Variants in GAREM1 observed in about 807,000 individuals in gnomAD.
GAREM1 encodes the protein GRB2-associated and regulator of MAPK protein 1.
In GAREM1, 26 loss-of-function variants were observed where a neutral mutation model predicts 71.3. The observed-to-expected ratio is 0.36, with a 90% CI of 0.27 to 0.51. GAREM1 has a LOEUF of 0.51. Among genes scored for constraint, GAREM1 ranks in the 20% least tolerant of loss-of-function variants. The pLI, the probability that GAREM1 is intolerant of heterozygous loss-of-function variation, is 0.95. For synonymous variants in GAREM1, 440 were observed against 433.2 expected (o/e 1.02, Z -0.20); for missense variants, 1,026 against 1,103.1 (o/e 0.93, Z 0.99).
intron 5 of GAREM1, among the ~76,000 whole-genome samples, chr18:32,269,131 G>A (rs1180969456): frequency 2.0e-5 from 3 of 152,158 alleles, no homozygotes; most frequent in East Asian, 3.9e-4. Flanking sequence ...GTGAGCGAGG[G>A]TAGAAGGAGA....
At chr18:32,307,491 T>C (rs1227792880) in intron 3 of GAREM1, among the ~76,000 whole-genome samples, 3 of 152,184 alleles carry the variant, frequency 2.0e-5, no homozygotes, top group African/African-American at 7.2e-5. Context: ...CCCCTGCTAG[T>C]TCTTAGTTCT....
chr18:32,348,038 C>G (rs1222811492), intron 2 of GAREM1, among the ~76,000 whole-genome samples: 1 of 152,168 alleles, frequency 6.6e-6, no homozygotes, highest in Non-Finnish European at 1.5e-5. Flanking sequence ...TCTCTGTATT[C>G]AAACTAGATT....
intron 1 of GAREM1, among the ~76,000 whole-genome samples, chr18:32,396,914 G>A (rs1392164560): frequency 3.3e-5 from 5 of 152,036 alleles, no homozygotes; most frequent in Admixed American, 1.3e-4. Context: ...GAGAAAGGTC[G>A]GGTTATCCAC....
chr18:32,451,315 C>T, intron 1 of GAREM1, among the ~76,000 whole-genome samples: 1 of 150,240 alleles, frequency 6.7e-6, no homozygotes, highest in South Asian at 2.1e-4. Flanking sequence ...TTCTTATTCC[C>T]ACAACTATTC....
chr18:32,372,688 T>C (rs2047994571), intron 2 of GAREM1, among the ~76,000 whole-genome samples: 2 of 152,226 alleles, frequency 1.3e-5, no homozygotes, highest in Non-Finnish European at 2.9e-5. Context: ...TCTAGTGTGG[T>C]GTTGCAATGT....
At chr18:32,371,415 A>G (rs137883162) in intron 2 of GAREM1, among the ~76,000 whole-genome samples, 1 of 152,236 alleles carries the variant, frequency 6.6e-6, no homozygotes, top group African/African-American at 2.4e-5. Context: ...AAAGGCCCCT[A>G]TAAGTGAAAA....
At chr18:32,447,552 T>A (rs992201781) in intron 1 of GAREM1, among the ~76,000 whole-genome samples, 3 of 152,122 alleles carry the variant, frequency 2.0e-5, no homozygotes, top group Non-Finnish European at 2.9e-5. Flanking sequence ...TATCGCATCA[T>A]AACAATGTAG....
Position 32,301,693 on chromosome 18 carries a change from C to A in GAREM1, c.393+8500G>T, listed in dbSNP as rs75979801. 2.3e-3 allele frequency among the ~76,000 whole-genome samples: 350 copies of A among 152,286 alleles called. 1 individual carries two copies. Among genetic ancestry groups the A allele is most frequent in the Non-Finnish European group, 3.8e-3 (259 of 68,022 alleles). On this transcript the variant is annotated intron_variant, in intron 3 of 5. Coordinates refer to ENST00000269209, the MANE Select transcript of GAREM1 (RefSeq NM_001242409.2). ...ACCTGATTGAGAACCTGAGTGGGCA[C>A]TTTTGCTATAAAACCCGGGACCTTC...
intron 2 of GAREM1, among the ~76,000 whole-genome samples, chr18:32,318,978 G>A (rs1198046727): frequency 2.0e-5 from 3 of 152,166 alleles, no homozygotes; most frequent in Non-Finnish European, 4.4e-5. Flanking sequence ...GGAAAAGGAA[G>A]CCTAGAATGT....
intron 2 of GAREM1, among the ~76,000 whole-genome samples, chr18:32,341,765 T>C (rs1372489999): frequency 6.6e-6 from 1 of 152,102 alleles, no homozygotes; most frequent in Non-Finnish European, 1.5e-5. Flanking sequence ...GGAGAGGAGA[T>C]ACCCAGCAAC....
chr18:32,425,426 C>G (rs1346766308), intron 1 of GAREM1, among the ~76,000 whole-genome samples: 1 of 152,136 alleles, frequency 6.6e-6, no homozygotes, highest in African/African-American at 2.4e-5. Flanking sequence ...AAAAGATTTT[C>G]CTCCATAGTC....
chr18:32,334,008 C>A (rs769977308), intron 2 of GAREM1, among the ~76,000 whole-genome samples: 1 of 152,132 alleles, frequency 6.6e-6, no homozygotes, highest in Non-Finnish European at 1.5e-5. Context: ...TGATTCAGGG[C>A]AGGATCTGTC....
At chr18:32,342,272 T>C (rs1255692749) in intron 2 of GAREM1, among the ~76,000 whole-genome samples, 1 of 152,088 alleles carries the variant, frequency 6.6e-6, no homozygotes, top group Non-Finnish European at 1.5e-5. Flanking sequence ...CTACAGCACA[T>C]TTACCATCAA....
At chr18:32,364,024 A>ATT (rs1292370389) in intron 2 of GAREM1, among the ~76,000 whole-genome samples, 2 of 52,224 alleles carry the variant, frequency 3.8e-5, no homozygotes, top group African/African-American at 3.0e-4. Context: ...ATATATATAT[A>ATT]TATGTTTTTT....
At chr18:32,296,049 G>A (rs1598938858) in intron 3 of GAREM1, among the ~76,000 whole-genome samples, 1 of 151,390 alleles carries the variant, frequency 6.6e-6, no homozygotes, top group African/African-American at 2.4e-5. Context: ...TGCAACCTCC[G>A]CCTCCTAGGT....
intron 2 of GAREM1, among the ~76,000 whole-genome samples, chr18:32,328,276 AT>A (rs777792658): frequency 2.0e-5 from 3 of 152,172 alleles, no homozygotes; most frequent in Non-Finnish European, 2.9e-5. Context: ...TGGCATATTT[AT>A]TTTGAATATC....
chr18:32,395,346 C>T (rs1036880862), intron 1 of GAREM1, among the ~76,000 whole-genome samples: 2 of 152,212 alleles, frequency 1.3e-5, no homozygotes, highest in Admixed American at 6.5e-5. Flanking sequence ...AACCCAAGAT[C>T]GCTGCCCTAG....
intron 3 of GAREM1, among the ~76,000 whole-genome samples, chr18:32,296,812 ACTAGAGGAACAGGCTGCTCTGTCT>A (rs2047145548): frequency 1.3e-5 from 2 of 151,006 alleles, no homozygotes; most frequent in Non-Finnish European, 2.9e-5. Context: ...AGTGGCTGGG[ACTAGAGGAACAGGCTGCTCTGTCT>A]GGGTCCTGGT....
At chr18:32,347,380 T>C (rs923808517) in intron 2 of GAREM1, among the ~76,000 whole-genome samples, 84 of 152,160 alleles carry the variant, frequency 5.5e-4, no homozygotes, top group African/African-American at 1.9e-3. Flanking sequence ...GAAAACTAAG[T>C]GCACCTCTAG....
Sources: allele counts gnomAD v4.1 joint callset (sites outside exome capture counted in the v4.1 genomes callset), GRCh38; gene constraint gnomAD v4.1.1; transcripts MANE v1.5; gene names NCBI Gene and HGNC (gene_info 2026-07-23, HGNC 2026-07-21).